OSBPL6: variants seen among roughly 807,000 people sequenced by gnomAD.
The protein encoded by OSBPL6 is oxysterol-binding protein-related protein 6.
Under a neutral mutation model 125.8 loss-of-function variants are expected in OSBPL6, and 49 were observed. The ratio of observed to expected loss-of-function variants is 0.39; its 90% CI spans 0.31 to 0.49. OSBPL6 has a LOEUF of 0.49. Among genes scored for constraint, OSBPL6 ranks in the 20% least tolerant of loss-of-function variants. OSBPL6 has a pLI of 0.88. For synonymous variants in OSBPL6, 394 were observed against 391.8 expected, an observed-to-expected ratio of 1.01 and a Z score of -0.07; for missense variants, 986 against 1,135.4, an observed-to-expected ratio of 0.87 and a Z score of 1.89.
chr2:178,223,188 A>T (rs1216704475), intron 1 of OSBPL6, among the ~76,000 whole-genome samples: 1 of 152,222 alleles, frequency 6.6e-6, no homozygotes, highest in Non-Finnish European at 1.5e-5. Flanking sequence ...GTTTACTCTG[A>T]TTCTCTATCA....
At chr2:178,280,882 A>C (rs2154030337) in intron 1 of OSBPL6, among the ~76,000 whole-genome samples, 1 of 152,228 alleles carries the variant, frequency 6.6e-6, no homozygotes, top group Middle Eastern at 3.4e-3. Flanking sequence ...AGATGGATAG[A>C]TTGCAAAAAT....
chr2:178,304,174 C>T lies in OSBPL6; in HGVS notation c.-155-1856C>T, dbSNP rs577725453. Among the ~76,000 whole-genome samples the T allele has an allele frequency of 7.0e-4, 106 of 152,200 alleles. 1 individual carries two copies. The highest frequency in any genetic ancestry group is 1.3e-3 in the Non-Finnish European group (86 of 68,010). ...CCTCTGGAGAGGAGGAACCTCATGT[C>T]GTCATATGGCAGGAAAGCAGAAGAG... On this transcript the variant is annotated intron_variant, in intron 2 of 24. Coordinates refer to ENST00000190611, the MANE Select transcript of OSBPL6 (RefSeq NM_032523.4).
intron 1 of OSBPL6, among the ~76,000 whole-genome samples, chr2:178,270,813 A>G (rs1020806162): frequency 3.3e-5 from 5 of 152,170 alleles, no homozygotes; most frequent in African/African-American, 9.7e-5. Context: ...TAGTTGATCT[A>G]TGTTAGAAAG....
rs753637191 is a variant in OSBPL6, at chr2:178,349,382, A to G, written c.1146A>G (p.Ala382=). 6.2e-7 allele frequency: 1 copy of G among 1,613,982 alleles called. No individual in the cohort carries two copies. The highest frequency in any genetic ancestry group is 1.3e-5 in the African/African-American group (1 of 74,954). ...TKLQEEFCLI[A]QKVHSLLKSA... is the part of the protein sequence containing the mutation. Reference sequence around the variant, plus strand: ...TGCAAGAAGAATTTTGTCTAATCGCACAGAAAGGTAAGAACAAAAATAATG... The same window carrying G: ...TGCAAGAAGAATTTTGTCTAATCGCGCAGAAAGGTAAGAACAAAAATAATG... The change falls in exon 12 of 25, where the codon GCA becomes GCG. Residue 382 remains alanine (A), a synonymous_variant. Transcript: ENST00000190611.
intron 22 of OSBPL6, 96 bp from the exon 23 acceptor site, chr2:178,392,316 T>C (rs1695475167): frequency 1.5e-6 from 2 of 1,340,250 alleles, no homozygotes; most frequent in South Asian, 3.0e-5. Context: ...ACTACAAATT[T>C]GGTGTTAGTG....
chr2:178,383,035 G>A lies in OSBPL6; in HGVS notation c.1633G>A (p.Glu545Lys). 2 of 1,614,152 alleles carry A rather than the reference G, an allele frequency of 1.2e-6. No individual in the cohort carries two copies. The highest frequency in any genetic ancestry group is 1.7e-6 in the Non-Finnish European group (2 of 1,180,028). ...TCTCCTTCTTCCAGTCCTGAATGGG[G>A]AGCTTACAGGAGGGGCCTTCCGAAA... is the stretch of plus-strand genomic sequence containing the variant. ...DNISRQILNG[E>K]LTGGAFRNGR... Residue 545 changes from glutamate (E) to lysine (K), a missense_variant, in exon 17 of 25, where the codon GAG (glutamate) becomes AAG (lysine). Transcript: ENST00000190611.
chr2:178,389,025 G>A lies in OSBPL6; in HGVS notation c.2173G>A (p.Val725Met). Residue 725 changes from valine to methionine, a missense_variant, in exon 21 of 25, where the codon GTG becomes ATG. By Grantham distance (21) the Val-to-Met change is conservative. Coordinates refer to ENST00000190611, the MANE Select transcript of OSBPL6 (RefSeq NM_032523.4). ...CTTCACTAGGTATGGAGATTACTAT[G>A]TGTGGAATAAAGTCACCACTTGCAT... is the stretch of plus-strand genomic sequence containing the variant. ...VMLPKYGDYY[V>M]WNKVTTCIHN... 6.2e-7 allele frequency: 1 copy of A among 1,613,870 alleles called. No homozygotes were observed. The highest frequency in any genetic ancestry group is 8.5e-7 in the Non-Finnish European group (1 of 1,179,936).
intron 15 of OSBPL6, among the ~76,000 whole-genome samples, chr2:178,378,099 G>T (rs1694055274): frequency 6.6e-6 from 1 of 152,130 alleles, no homozygotes; most frequent in African/African-American, 2.4e-5. Flanking sequence ...AAAGTGCTGG[G>T]ACTACAGGCA....
chr2:178,354,413 CA>C (rs913343144), intron 12 of OSBPL6, among the ~76,000 whole-genome samples: 1 of 148,008 alleles, frequency 6.8e-6, no homozygotes, highest in Non-Finnish European at 1.5e-5. Flanking sequence ...AAATGGAAAG[CA>C]AAAAAAAAGC....
intron 11 of OSBPL6, among the ~76,000 whole-genome samples, chr2:178,347,619 C>A (rs546790076): frequency 1.3e-5 from 2 of 152,278 alleles, no homozygotes; most frequent in South Asian, 4.1e-4. Context: ...GTCCTCAGTC[C>A]TTGTTATTAT....
chr2:178,225,885 C>T (rs1458088932), intron 1 of OSBPL6, among the ~76,000 whole-genome samples: 1 of 152,160 alleles, frequency 6.6e-6, no homozygotes, highest in East Asian at 1.9e-4. Context: ...ATGGGAGCTA[C>T]AAGATGAAAT....
intron 1 of OSBPL6, among the ~76,000 whole-genome samples, chr2:178,221,718 C>G (rs1359609104): frequency 6.6e-6 from 1 of 152,202 alleles, no homozygotes; most frequent in Admixed American, 6.5e-5. Flanking sequence ...GAGTGATACT[C>G]ACAGGATAAT....
At position 178,295,709 on chromosome 2, in the gene OSBPL6, C is replaced by T. The variant is rs190330595; in HGVS notation, c.-155-10321C>T. Among the ~76,000 whole-genome samples the T allele has an allele frequency of 2.0e-3, 310 of 151,834 alleles. 1 individual carries two copies. Among genetic ancestry groups the T allele is most frequent in the African/African-American group, 7.4e-3 (305 of 41,410 alleles). ...ATGATAGAGCTTTTTGATTTGTTTTCCTTATTGGAAGGTGTTGTGTTTATA... is the reference window on the plus strand; with the variant it reads ...ATGATAGAGCTTTTTGATTTGTTTTTCTTATTGGAAGGTGTTGTGTTTATA... On this transcript the variant is annotated intron_variant, in intron 2 of 24. Transcript: ENST00000190611.
chr2:178,388,653 T>A (rs149442971), intron 20 of OSBPL6, among the ~76,000 whole-genome samples: 1 of 152,162 alleles, frequency 6.6e-6, no homozygotes, highest in Non-Finnish European at 1.5e-5. Flanking sequence ...CATCCCACGT[T>A]CCAGGTAGAT....
intron 14 of OSBPL6, among the ~76,000 whole-genome samples, chr2:178,373,247 A>G (rs1431714602): frequency 1.3e-5 from 2 of 152,212 alleles, no homozygotes; most frequent in Admixed American, 1.3e-4. Flanking sequence ...AAAATTTGTC[A>G]TTCAAAAATA....
chr2:178,391,021 A>G, intron 21 of OSBPL6, 52 bp from the exon 22 acceptor site: 1 of 1,595,346 alleles, frequency 6.3e-7, no homozygotes, highest in East Asian at 2.3e-5. Context: ...AAATACAGGG[A>G]ATGATGTTAT....
At chr2:178,197,871 C>A (rs1020950173) in intron 1 of OSBPL6, among the ~76,000 whole-genome samples, 1 of 152,074 alleles carries the variant, frequency 6.6e-6, no homozygotes, top group African/African-American at 2.4e-5. Flanking sequence ...TATCACAAGA[C>A]AATAAGCCTA....
In OSBPL6 at chr2:178,382,401, A is replaced by T. The variant is rs368963872; in HGVS notation, c.1534-19A>T. On this transcript the variant is annotated intron_variant, in intron 15 of 24. Transcript: ENST00000190611. ...ACTGAACAAGAATTCTGATCCTTGTATGTTCTTCCCTTCCTTAGGCTTCAG... is the reference window on the plus strand; with the variant it reads ...ACTGAACAAGAATTCTGATCCTTGTTTGTTCTTCCCTTCCTTAGGCTTCAG... 1 of 1,578,932 alleles carries T rather than the reference A, an allele frequency of 6.3e-7. No homozygotes were observed. The highest frequency in any genetic ancestry group is 1.4e-5 in the African/African-American group (1 of 73,960).
intron 1 of OSBPL6, among the ~76,000 whole-genome samples, chr2:178,227,974 CTT>C (rs1207634450): frequency 6.6e-6 from 1 of 151,516 alleles, no homozygotes; most frequent in Non-Finnish European, 1.5e-5. Context: ...GTGAATGTGT[CTT>C]ATATCAAATA....
Sources: gnomAD v4.1 joint callset for allele counts (sites outside exome capture counted in the v4.1 genomes callset) on GRCh38, gnomAD v4.1.1 for gene constraint, MANE v1.5 for transcripts, NCBI Gene and HGNC (gene_info 2026-07-23, HGNC 2026-07-21) for gene names.